KIF24: variants seen among roughly 807,000 people sequenced by gnomAD.
KIF24 encodes the protein kinesin-like protein KIF24.
A neutral mutation model predicts 118.9 loss-of-function variants in KIF24; 81 were observed. The observed-to-expected ratio is 0.68, with a 90% CI of 0.57 to 0.82. KIF24 has a LOEUF of 0.82. KIF24 is among the 40% of genes least tolerant of loss of function. The pLI is 0.00. For missense variants in KIF24, 1,560 were observed against 1,661.6 expected, an observed-to-expected ratio of 0.94 and a Z score of 1.06; for synonymous variants, 599 against 610.0, an observed-to-expected ratio of 0.98 and a Z score of 0.27.
At chr9:34,317,385 C>CT (rs930914011) in intron 1 of KIF24, among the ~76,000 whole-genome samples, 37 of 139,756 alleles carry the variant, frequency 2.6e-4, no homozygotes, top group Admixed American at 9.3e-4. Context: ...AGGAGACTGT[C>CT]TTAAAAAAAA....
rs766749158 is a variant in KIF24, at chr9:34,290,229, T to G, written c.1072A>C (p.Ser358Arg). 2 of 1,613,832 alleles carry G rather than the reference T, an allele frequency of 1.2e-6. No homozygotes were observed. The highest frequency in any genetic ancestry group is 1.7e-6 in the Non-Finnish European group (2 of 1,179,812). ...QPRKHLFVWI[S>R]FYEIYCGQLY... ...TGTCCACAGTAAATTTCATAGAAGC[T>G]GATCCACACAAAGAGGTGCTTTCTT... Residue 358 changes from serine (S) to arginine (R), a missense_variant, in exon 5 of 13, where the codon AGC becomes CGC. Around this residue, in one of 3 missense-constraint regions of KIF24, gnomAD observed 964 missense variants for 988.0 expected, o/e 0.98. Transcript: ENST00000402558.
chr9:34,301,037 C>A (rs1458902164), intron 3 of KIF24, among the ~76,000 whole-genome samples: 1 of 152,098 alleles, frequency 6.6e-6, no homozygotes, highest in East Asian at 1.9e-4. Flanking sequence ...TAGTATCTTT[C>A]CTTCCAATAA....
chr9:34,264,142 C>T (rs1835195751), intron 8 of KIF24, among the ~76,000 whole-genome samples: 1 of 151,880 alleles, frequency 6.6e-6, no homozygotes, highest in South Asian at 2.1e-4. Context: ...AGAAAAGGAG[C>T]TGGGTGCAGT....
At chr9:34,262,674 AAATATATATATATATATATATATAT>A (rs1282798151) in intron 9 of KIF24, among the ~76,000 whole-genome samples, 51 of 29,528 alleles carry the variant, frequency 1.7e-3, no homozygotes, top group African/African-American at 6.3e-3. Flanking sequence ...AAAAAAAAAA[AAATATATATATATATATATATATAT>A]ATATATATAT....
Position 34,318,649 on chromosome 9 carries a change from G to A in KIF24, c.-25-7278C>T, listed in dbSNP as rs1232996717. 6 of 1,540,696 alleles carry A rather than the reference G, an allele frequency of 3.9e-6. No homozygotes were observed. Among genetic ancestry groups the A allele is most frequent in the Non-Finnish European group, 5.3e-6 (6 of 1,133,878 alleles). Reference sequence around the variant, plus strand: ...TGGCCTCGTCGTTGGGGCTCGTGTCGCTGGGCGGCAAGGCGACCACGGCGT... The same window carrying A: ...TGGCCTCGTCGTTGGGGCTCGTGTCACTGGGCGGCAAGGCGACCACGGCGT... On this transcript the variant is annotated intron_variant, in intron 1 of 12. Coordinates refer to ENST00000402558, the MANE Select transcript of KIF24 (RefSeq NM_194313.4). The surrounding 1 kb of genome is among the most constrained non-coding windows in gnomAD (Gnocchi z 4.9).
intron 10 of KIF24, 74 bp downstream of exon 10, chr9:34,259,522 T>A (rs1313917102): frequency 2.7e-6 from 3 of 1,094,590 alleles, no homozygotes; most frequent in Non-Finnish European, 4.2e-6. Flanking sequence ...CGTGCACACA[T>A]GCTCACACAC....
chr9:34,272,629 CA>C (rs1430009823), intron 6 of KIF24, among the ~76,000 whole-genome samples: 2 of 152,068 alleles, frequency 1.3e-5, no homozygotes, highest in Middle Eastern at 3.2e-3. Context: ...AAAGGCAAAA[CA>C]AAATTTTTTT....
At chr9:34,293,889 A>G (rs927028125) in intron 4 of KIF24, among the ~76,000 whole-genome samples, 1 of 152,270 alleles carries the variant, frequency 6.6e-6, no homozygotes, top group Admixed American at 6.5e-5. Flanking sequence ...GCCTGACGAT[A>G]GCAGATATTG....
At position 34,272,903 on chromosome 9, in the gene KIF24, C is replaced by T. The variant is rs376952094; in HGVS notation, c.1216-973G>A. 4.8e-4 allele frequency among the ~76,000 whole-genome samples: 73 copies of T among 152,076 alleles called. No individual in the cohort carries two copies. The East Asian group carries it at 0.013, about 28-fold the overall frequency. Reference sequence around the variant, plus strand: ...TCCCTCAAAGTGGTAGGATTATGGGCATGAGCCACCTCACCCAGCCACAAA... The same window carrying T: ...TCCCTCAAAGTGGTAGGATTATGGGTATGAGCCACCTCACCCAGCCACAAA... On this transcript the variant is annotated intron_variant, in intron 6 of 12. Transcript: ENST00000402558.
At position 34,271,871 on chromosome 9, in the gene KIF24, G is replaced by A. The variant is rs747536331; in HGVS notation, c.1275C>T (p.Ser425=). Residue 425 remains serine (S), a synonymous_variant, in exon 7 of 13, where the codon TCC becomes TCT. Coordinates refer to ENST00000402558, the MANE Select transcript of KIF24 (RefSeq NM_194313.4). ...STGATGVNAD[S]SRSHAVIQIQ... The stretch of plus-strand genomic sequence containing the variant: ...TTTGGATGACGGCATGGGAGCGGGA[G>A]GAGTCTGCATTAACTCCAGTGGCCC... 2.5e-6 allele frequency: 4 copies of A among 1,610,694 alleles called. No individual in the cohort carries two copies. The highest frequency in any genetic ancestry group is 3.4e-5 in the Admixed American group (2 of 59,506).
intron 6 of KIF24, among the ~76,000 whole-genome samples, chr9:34,273,066 G>C (rs868625711): frequency 6.6e-6 from 1 of 151,918 alleles, no homozygotes; most frequent in Non-Finnish European, 1.5e-5. Context: ...TGTGATTACA[G>C]AGCAAGACCC....
chr9:34,308,938 G>A, intron 2 of KIF24, among the ~76,000 whole-genome samples: 1 of 152,114 alleles, frequency 6.6e-6, no homozygotes, highest in South Asian at 2.1e-4. Context: ...AAAATTAGCT[G>A]GGGACAGTGG....
At chr9:34,292,375 T>C (rs1836284122) in intron 4 of KIF24, among the ~76,000 whole-genome samples, 2 of 152,188 alleles carry the variant, frequency 1.3e-5, no homozygotes, top group South Asian at 4.1e-4. Context: ...CCTTTTATTA[T>C]TTTTTCCCCT....
Position 34,255,818 on chromosome 9 carries a change from T to C in KIF24, c.3789A>G (p.Leu1263=). 1 of 1,614,000 alleles carries C rather than the reference T, an allele frequency of 6.2e-7. No homozygotes were observed. Among genetic ancestry groups the C allele is most frequent in the East Asian group, 2.2e-5 (1 of 44,886 alleles). Residue 1263 remains leucine (L), a synonymous_variant, in exon 11 of 13, where the codon TTA becomes TTG. Transcript: ENST00000402558. ...WLKPRPISRC[L]ARPSSPLVPS... is the part of the protein sequence containing the mutation. The stretch of plus-strand genomic sequence containing the variant: ...GAACCAAGGGAGAACTTGGCCTTGC[T>C]AAGCACCTTGAGATCGGCCTGGGTT...
intron 9 of KIF24, among the ~76,000 whole-genome samples, chr9:34,262,541 T>A (rs1219575940): frequency 1.4e-5 from 2 of 146,178 alleles, no homozygotes; most frequent in African/African-American, 2.6e-5. Flanking sequence ...GCATGGTGGC[T>A]TATGCCTGTA....
At chr9:34,330,788 C>T (rs1396992526), upstream of KIF24, among the ~76,000 whole-genome samples, 1 of 151,992 alleles carries the variant, frequency 6.6e-6, no homozygotes, top group Non-Finnish European at 1.5e-5. Context: ...GGTGAAACCC[C>T]GTCTCTACTA....
rs963578570 is a variant in KIF24, at chr9:34,256,430, G to T, written c.3177C>A (p.Asn1059Lys). The T allele has an allele frequency of 1.2e-6, 2 of 1,613,916 alleles. No individual in the cohort carries two copies. Among genetic ancestry groups the T allele is most frequent in the East Asian group, 2.2e-5 (1 of 44,872 alleles). ...MSPLTMSLLE[N>K]PDNEGSPPSE... Reference sequence around the variant, plus strand: ...AGGGAGGAGACCCTTCGTTGTCTGGGTTCTCCAGGAGGGACATGGTGAGGG... The same window carrying T: ...AGGGAGGAGACCCTTCGTTGTCTGGTTTCTCCAGGAGGGACATGGTGAGGG... The change falls in exon 11 of 13, where the codon AAC becomes AAA. Residue 1059 changes from asparagine to lysine, a missense_variant. Around this residue, in one of 3 missense-constraint regions of KIF24, gnomAD observed 591 missense variants for 655.6 expected, o/e 0.90. Transcript: ENST00000402558.
At chr9:34,309,357 T>C (rs1563959784) in intron 2 of KIF24, among the ~76,000 whole-genome samples, 2 of 151,962 alleles carry the variant, frequency 1.3e-5, no homozygotes, top group East Asian at 1.9e-4. Flanking sequence ...CTGGCTAACA[T>C]GGTGAAACCC....
chr9:34,283,286 AC>A (rs1331557696), intron 6 of KIF24, among the ~76,000 whole-genome samples: 1 of 151,056 alleles, frequency 6.6e-6, no homozygotes, highest in East Asian at 2.0e-4. Flanking sequence ...GGGAAGGATC[AC>A]CTGAGCCCAG....
Sources: gnomAD v4.1 joint callset for allele counts (sites outside exome capture counted in the v4.1 genomes callset) on GRCh38, gnomAD v4.1.1 for gene constraint, gnomAD v4.1.1 regional missense constraint, Gnocchi (gnomAD v3.1) non-coding constraint, MANE v1.5 for transcripts, NCBI Gene and HGNC (gene_info 2026-07-23, HGNC 2026-07-21) for gene names.